SPOCK3: variants seen among roughly 807,000 people sequenced by gnomAD.
The protein encoded by SPOCK3 is testican-3.
In SPOCK3, 30 loss-of-function variants were observed where a neutral mutation model predicts 56.6. That is an observed-to-expected ratio of 0.53 (90% CI 0.40 to 0.72). SPOCK3 has a LOEUF of 0.72. SPOCK3 is among the 30% of genes least tolerant of loss of function. The pLI is 0.00. For missense variants in SPOCK3, 527 were observed against 530.0 expected, an observed-to-expected ratio of 0.99 and a Z score of 0.06; for synonymous variants, 196 against 183.3, an observed-to-expected ratio of 1.07 and a Z score of -0.56.
chr4:166,835,941 G>A (rs1276610345), intron 6 of SPOCK3, among the ~76,000 whole-genome samples: 3 of 152,126 alleles, frequency 2.0e-5, no homozygotes, highest in Non-Finnish European at 4.4e-5. Flanking sequence ...GGGAAGTGGA[G>A]GTTGCAGTGA....
chr4:166,964,860 TAAA>T (rs1744541816), intron 4 of SPOCK3, among the ~76,000 whole-genome samples: 2 of 151,922 alleles, frequency 1.3e-5, no homozygotes, highest in South Asian at 4.1e-4. Flanking sequence ...TCATCAGTAA[TAAA>T]TATATATTAA....
intron 5 of SPOCK3, among the ~76,000 whole-genome samples, chr4:166,907,050 T>C (rs1198510384): frequency 6.6e-6 from 1 of 152,042 alleles, no homozygotes; most frequent in Non-Finnish European, 1.5e-5. Flanking sequence ...TTTATATATA[T>C]ACACACACAT....
chr4:167,116,629 A>ACTATATACGTATATATATACACGTATG (rs1761386898), intron 2 of SPOCK3, among the ~76,000 whole-genome samples: 1 of 132,488 alleles, frequency 7.5e-6, no homozygotes, highest in African/African-American at 2.8e-5. Context: ...ATATACATAT[A>ACTATATACGTATATATATACACGTATG]TACTATATAC....
intron 6 of SPOCK3, among the ~76,000 whole-genome samples, chr4:166,842,148 A>T (rs546679524): frequency 6.6e-5 from 10 of 152,308 alleles, no homozygotes; most frequent in Admixed American, 2.6e-4. Context: ...TAGCTCATAG[A>T]GGCAGTGCGG....
intron 2 of SPOCK3, among the ~76,000 whole-genome samples, chr4:167,219,031 C>CA (rs1735639158): frequency 6.6e-6 from 1 of 151,878 alleles, no homozygotes; most frequent in Non-Finnish European, 1.5e-5. Context: ...ATCTCAACTC[C>CA]AAAAAAATAT....
chr4:167,196,157 C>A (rs1732930238), intron 2 of SPOCK3, among the ~76,000 whole-genome samples: 2 of 152,126 alleles, frequency 1.3e-5, no homozygotes, highest in South Asian at 2.1e-4. Context: ...AATTTGTATT[C>A]ATTTAAAAAT....
chr4:166,996,224 A>T (rs140269947), intron 4 of SPOCK3, among the ~76,000 whole-genome samples: 117 of 152,282 alleles, frequency 7.7e-4, no homozygotes, highest in Non-Finnish European at 1.4e-3. Flanking sequence ...TAAATGAAGT[A>T]GAAATTAACA....
intron 8 of SPOCK3, among the ~76,000 whole-genome samples, chr4:166,752,154 A>G (rs963342889): frequency 1.3e-5 from 2 of 151,908 alleles, no homozygotes; most frequent in Non-Finnish European, 2.9e-5. Flanking sequence ...ATCCCCAAGT[A>G]GCTAGGACTA....
intron 5 of SPOCK3, among the ~76,000 whole-genome samples, chr4:166,892,460 T>A (rs28594898): frequency 0.077 from 11,682 of 151,990 alleles, 533 homozygotes; most frequent in Non-Finnish European, 0.1. Context: ...TGAATTAAAA[T>A]TGGAAAAAAA....
chr4:167,133,723 C>G (rs1762874738), intron 2 of SPOCK3, among the ~76,000 whole-genome samples: 1 of 152,136 alleles, frequency 6.6e-6, no homozygotes, highest in Non-Finnish European at 1.5e-5. Flanking sequence ...TAAATGATGC[C>G]TGTGATTCAT....
At chr4:166,939,606 T>C (rs1004952320) in intron 4 of SPOCK3, among the ~76,000 whole-genome samples, 1 of 152,190 alleles carries the variant, frequency 6.6e-6, no homozygotes, top group African/African-American at 2.4e-5. Context: ...GCAAATAAAA[T>C]GTGTCTATGT....
rs1449605129 is a variant in SPOCK3 at position 166,841,526 on chromosome 4, CTATT to C, written c.589+47600_589+47603del. 9.9e-5 allele frequency among the ~76,000 whole-genome samples: 15 copies of C among 152,106 alleles called. No individual in the cohort carries two copies. The South Asian group carries it at 1.9e-3, about 19-fold the overall frequency. On this transcript the variant is annotated intron_variant, in intron 6 of 10. Coordinates refer to ENST00000357545, the MANE Select transcript of SPOCK3 (RefSeq NM_001040159.2). The stretch of plus-strand genomic sequence containing the variant: ...TTCTCTGCTTCTTCCAAATTTAAAC[CTATT>C]TAGTTTTCTTGTACTTTCTAGCTCT...
At chr4:166,973,038 T>C (rs1315895997) in intron 4 of SPOCK3, among the ~76,000 whole-genome samples, 1 of 152,150 alleles carries the variant, frequency 6.6e-6, no homozygotes, top group Admixed American at 6.5e-5. Flanking sequence ...GTAACCCGAA[T>C]TGTAATCCCC....
intron 2 of SPOCK3, among the ~76,000 whole-genome samples, chr4:167,161,208 C>T (rs1453437942): frequency 6.6e-6 from 1 of 151,508 alleles, no homozygotes; most frequent in East Asian, 1.9e-4. Flanking sequence ...AAAAAAACAA[C>T]CCCATTAACA....
chr4:167,038,138 T>C (rs975824803), intron 3 of SPOCK3, among the ~76,000 whole-genome samples: 1 of 152,158 alleles, frequency 6.6e-6, no homozygotes, highest in Non-Finnish European at 1.5e-5. Context: ...TACAGCATGA[T>C]GTACCAACTT....
intron 2 of SPOCK3, among the ~76,000 whole-genome samples, chr4:167,220,069 A>G (rs1735749669): frequency 6.6e-6 from 1 of 152,134 alleles, no homozygotes; most frequent in Non-Finnish European, 1.5e-5. Flanking sequence ...TATGTTTTCT[A>G]CTAGGACAGA....
chr4:167,179,447 C>T (rs1731261408), intron 2 of SPOCK3, among the ~76,000 whole-genome samples: 1 of 152,142 alleles, frequency 6.6e-6, no homozygotes, highest in Admixed American at 6.6e-5. Context: ...CCCATTCTTT[C>T]CCTGAGCAGT....
At chr4:166,819,896 A>T (rs1232858522) in intron 6 of SPOCK3, among the ~76,000 whole-genome samples, 5 of 151,768 alleles carry the variant, frequency 3.3e-5, no homozygotes, top group Non-Finnish European at 4.4e-5. Flanking sequence ...AATATTTATA[A>T]TTTTTCGTAG....
At chr4:167,086,600 A>G (rs1758222295) in intron 2 of SPOCK3, among the ~76,000 whole-genome samples, 1 of 152,104 alleles carries the variant, frequency 6.6e-6, no homozygotes, top group African/African-American at 2.4e-5. Flanking sequence ...AATAATGATA[A>G]TGTTTATTTC....
Sources: allele counts gnomAD v4.1 joint callset (sites outside exome capture counted in the v4.1 genomes callset), GRCh38; gene constraint gnomAD v4.1.1; transcripts MANE v1.5; gene names NCBI Gene and HGNC (gene_info 2026-07-23, HGNC 2026-07-21).